ZBTB46: variants seen among roughly 807,000 people sequenced by gnomAD.
ZBTB46 encodes the protein zinc finger and BTB domain containing 46.
A neutral mutation model predicts 44.1 loss-of-function variants in ZBTB46; 8 were observed. That is an observed-to-expected ratio of 0.18 (90% CI 0.11 to 0.33). The LOEUF (loss-of-function observed/expected upper bound fraction) is 0.33, where lower values mean the gene tolerates loss of function less well. ZBTB46 is among the 10% of genes least tolerant of loss of function. ZBTB46 has a pLI of 1.00. For synonymous variants in ZBTB46, 409 were observed against 382.3 expected (o/e 1.07, Z -0.81); for missense variants, 651 against 847.7 (o/e 0.77, Z 2.88).
At position 63,802,126 on chromosome 20, in the gene ZBTB46, A is replaced by AGAT. The variant is rs1194571611; in HGVS notation, c.-33-11339_-33-11337dup. Among the ~76,000 whole-genome samples the AGAT allele has an allele frequency of 2.0e-5, 3 of 152,220 alleles. No homozygotes were observed. In the East Asian group the frequency reaches 5.8e-4, roughly 29 times the overall value. On this transcript the variant is annotated intron_variant, in intron 1 of 4. Coordinates refer to ENST00000245663, the MANE Select transcript of ZBTB46 (RefSeq NM_001369741.1). Reference sequence around the variant, plus strand: ...AGGTCATTGCAGATGCAATTAATTAAGATGAGGTCGCTGGGGCTGGACACG... The same window carrying AGAT: ...AGGTCATTGCAGATGCAATTAATTAAGATGATGAGGTCGCTGGGGCTGGACACG...
At position 63,747,192 on chromosome 20, in the gene ZBTB46, T is replaced by C. The variant is rs755309697; in HGVS notation, c.1508A>G (p.Asp503Gly). 4 of 1,607,598 alleles carry C rather than the reference T, an allele frequency of 2.5e-6. No individual in the cohort carries two copies. In the Admixed American group the frequency reaches 6.7e-5, roughly 27 times the overall value. ...CCCGGCCATGCCGCGGCCAGCACAG[T>C]CGGTGCACACACCGTGGCGCCTGGA... The part of the protein sequence containing the change: ...HGSRRHGVCT[D>G]CAGRGMAGPL... The change falls in exon 5 of 5, where the codon GAC (aspartate) becomes GGC (glycine). Residue 503 changes from aspartate to glycine, a missense_variant. By Grantham distance (94) the Asp-to-Gly change is moderately conservative. Transcript: ENST00000245663.
intron 1 of ZBTB46, among the ~76,000 whole-genome samples, chr20:63,805,350 C>T (rs537813379): frequency 2.6e-5 from 4 of 152,222 alleles, no homozygotes; most frequent in East Asian, 1.9e-4. Context: ...AATCGCAGCA[C>T]GTTGAGAGGC....
At chr20:63,825,071 C>A (rs2092812496) in intron 1 of ZBTB46, among the ~76,000 whole-genome samples, 1 of 133,392 alleles carries the variant, frequency 7.5e-6, no homozygotes, top group African/African-American at 2.9e-5. Context: ...CTCCCTCCCC[C>A]ATCTTCCCAT....
intron 3 of ZBTB46, among the ~76,000 whole-genome samples, chr20:63,774,025 T>C (rs192595245): frequency 1.2e-3 from 176 of 141,106 alleles, no homozygotes; most frequent in African/African-American, 4.5e-3. Flanking sequence ...TTTGTTTGAA[T>C]TCACAACAGC....
Position 63,752,892 on chromosome 20 carries a change from A to AG in ZBTB46, c.1223-32dup. On this transcript the variant is annotated intron_variant, in intron 3 of 4. Coordinates refer to ENST00000245663, the MANE Select transcript of ZBTB46 (RefSeq NM_001369741.1). The surrounding 1 kb of genome is among the most constrained non-coding windows in gnomAD (Gnocchi z 5.6). ...AGAGAGGGACCCGCGAGGCGTCAGCAGGGCTTGGGATGTACCGCCCTGCGG... is the reference window on the plus strand; with the variant it reads ...AGAGAGGGACCCGCGAGGCGTCAGCAGGGGCTTGGGATGTACCGCCCTGCGG... 1 of 1,571,516 alleles carries AG rather than the reference A, an allele frequency of 6.4e-7. No homozygotes were observed. The highest frequency in any genetic ancestry group is 8.7e-7 in the Non-Finnish European group (1 of 1,153,502).
chr20:63,759,123 A>G (rs2092251828), intron 3 of ZBTB46, among the ~76,000 whole-genome samples: 2 of 152,104 alleles, frequency 1.3e-5, no homozygotes, highest in South Asian at 4.1e-4. Flanking sequence ...TCTCCCAGCA[A>G]TATTTTATAG....
At chr20:63,829,418 G>T (rs2092836364) in intron 1 of ZBTB46, among the ~76,000 whole-genome samples, 1 of 152,262 alleles carries the variant, frequency 6.6e-6, no homozygotes, top group South Asian at 2.1e-4. Flanking sequence ...TGAAGGCAAG[G>T]CGGAATTTCG....
chr20:63,767,307 C>T lies in ZBTB46; in HGVS notation c.1222+8371G>A, dbSNP rs6089981. Among the ~76,000 whole-genome samples the T allele has an allele frequency of 2.6e-5, 4 of 152,100 alleles. No individual in the cohort carries two copies. The highest frequency in any genetic ancestry group is 5.9e-5 in the Non-Finnish European group (4 of 68,008). ...CCCCGTCCCCACACATTGGCAATCC[C>T]GTAGGATCTCGGTCATCTGAACCCC... On this transcript the variant is annotated intron_variant, in intron 3 of 4. Coordinates refer to ENST00000245663, the MANE Select transcript of ZBTB46 (RefSeq NM_001369741.1). The surrounding 1 kb of genome is among the most constrained non-coding windows in gnomAD (Gnocchi z 5.0).
chr20:63,745,929 C>T lies in ZBTB46; in HGVS notation c.*1001G>A, dbSNP rs905257641. 1 of 152,632 alleles carries T rather than the reference C, an allele frequency of 6.6e-6. No individual in the cohort carries two copies. The highest frequency in any genetic ancestry group is 6.5e-5 in the Admixed American group (1 of 15,288). 9.5% of individuals were successfully genotyped at this position (152,632 alleles called of 1,614,324 possible). A position where few individuals can be genotyped will look rare whatever the true frequency, so the allele number is the denominator to read the frequency against. On this transcript the variant is annotated 3_prime_UTR_variant, in exon 5 of 5. Coordinates refer to ENST00000245663, the MANE Select transcript of ZBTB46 (RefSeq NM_001369741.1). ...GTTTCTTCGAGTGAGAAAAATAATG[C>T]CAAACAAAATAATTTTATGTAACTA...
At chr20:63,820,350 C>T (rs1006437592) in intron 1 of ZBTB46, among the ~76,000 whole-genome samples, 3 of 151,990 alleles carry the variant, frequency 2.0e-5, no homozygotes, top group Non-Finnish European at 2.9e-5. Context: ...CCGCCTGCCT[C>T]GGCCTCCCAA....
At chr20:63,812,540 G>C (rs748216645) in intron 1 of ZBTB46, among the ~76,000 whole-genome samples, 18 of 152,232 alleles carry the variant, frequency 1.2e-4, no homozygotes, top group Non-Finnish European at 8.8e-5. Context: ...GCTTTGGGAG[G>C]TGGAGGCGGG....
chr20:63,772,789 C>T (rs1163429591), intron 3 of ZBTB46, among the ~76,000 whole-genome samples: 2 of 145,856 alleles, frequency 1.4e-5, no homozygotes, highest in East Asian at 3.9e-4. Context: ...TGTGCCCTCA[C>T]CCCACCTTCA....
At chr20:63,808,347 G>A (rs552985283) in intron 1 of ZBTB46, among the ~76,000 whole-genome samples, 37 of 152,326 alleles carry the variant, frequency 2.4e-4, no homozygotes, top group African/African-American at 8.2e-4. Context: ...GGGGCTGAGC[G>A]CAGGGGAGGG....
Position 63,760,803 on chromosome 20 carries a change from T to C in ZBTB46, c.1223-7942A>G, listed in dbSNP as rs531166681. ...CTTTTCAACACACTGGCTTTGGGCA[T>C]TGTTCACTTTCGGTTTTGGGGTTTG... On this transcript the variant is annotated intron_variant, in intron 3 of 4. Coordinates refer to ENST00000245663, the MANE Select transcript of ZBTB46 (RefSeq NM_001369741.1). 2.5e-4 allele frequency among the ~76,000 whole-genome samples: 37 copies of C among 150,662 alleles called. 1 individual carries two copies. Among genetic ancestry groups the C allele is most frequent in the Non-Finnish European group, 3.0e-4 (20 of 67,302 alleles).
intron 1 of ZBTB46, among the ~76,000 whole-genome samples, chr20:63,808,476 C>T (rs989693236): frequency 2.4e-4 from 37 of 152,112 alleles, no homozygotes; most frequent in African/African-American, 8.2e-4. Flanking sequence ...GCCCCGGGCC[C>T]GGCGGGAGGG....
chr20:63,782,999 G>A (rs909170113), intron 2 of ZBTB46, among the ~76,000 whole-genome samples: 3 of 151,944 alleles, frequency 2.0e-5, no homozygotes, highest in East Asian at 1.9e-4. Flanking sequence ...GCGTGGTGGC[G>A]CACGCCCATA....
At position 63,796,124 on chromosome 20, in the gene ZBTB46, C is replaced by T. The variant is rs74337207; in HGVS notation, c.-33-5334G>A. 3.1e-3 allele frequency among the ~76,000 whole-genome samples: 468 copies of T among 152,336 alleles called. 4 individuals are homozygous for T. Among genetic ancestry groups the T allele is most frequent in the African/African-American group, 0.011 (453 of 41,582 alleles). On this transcript the variant is annotated intron_variant, in intron 1 of 4. Coordinates refer to ENST00000245663, the MANE Select transcript of ZBTB46 (RefSeq NM_001369741.1). ...TACTCCATTTGCTGCACTGTGTGTT[C>T]AAAGTATTAATTTAGGGGGCAGACT...
At chr20:63,759,210 T>C (rs1009479936) in intron 3 of ZBTB46, among the ~76,000 whole-genome samples, 5 of 152,232 alleles carry the variant, frequency 3.3e-5, no homozygotes, top group Non-Finnish European at 7.3e-5. Context: ...AATGAAACTC[T>C]GTTATTTATA....
At chr20:63,796,245 G>A (rs1179121368) in intron 1 of ZBTB46, among the ~76,000 whole-genome samples, 1 of 152,238 alleles carries the variant, frequency 6.6e-6, no homozygotes, top group Non-Finnish European at 1.5e-5. Context: ...AGGCGGTAGT[G>A]TGTCTGCCGC....
Sources: gnomAD v4.1 joint callset for allele counts (sites outside exome capture counted in the v4.1 genomes callset) on GRCh38, gnomAD v4.1.1 for gene constraint, Gnocchi (gnomAD v3.1) non-coding constraint, MANE v1.5 for transcripts, NCBI Gene and HGNC (gene_info 2026-07-23, HGNC 2026-07-21) for gene names.